The following WDR62 variants were observed in gnomAD, a reference collection of about 807,000 sequenced individuals.
WDR62 encodes WD repeat-containing protein 62.
WDR62 carries 112 observed loss-of-function variants against 160.6 expected under a neutral mutation model. That is an observed-to-expected ratio of 0.70 (90% confidence interval 0.60 to 0.82). The LOEUF (loss-of-function observed/expected upper bound fraction) is 0.82, where lower values mean the gene tolerates loss of function less well. Ranked by LOEUF, WDR62 falls within the 40% of genes least tolerant of loss-of-function variation. The probability of loss-of-function intolerance (pLI) is 0.00; values close to 1 mark genes in which losing one functional copy is unlikely to be tolerated. For missense variants in WDR62, 1,819 were observed against 1,983.8 expected, an observed-to-expected ratio of 0.92 and a Z score of 1.58; for synonymous variants, 792 against 815.1, an observed-to-expected ratio of 0.97 and a Z score of 0.48.
the WDR62 span, among the ~76,000 whole-genome samples, chr19:36,110,843 G>A: frequency 5.9e-5 from 9 of 152,136 alleles, no homozygotes; most frequent in Admixed American, 3.9e-4. Context: ...TGATTTGCCT[G>A]GCAAACAGAC....
chr19:36,066,437 G>T lies in WDR62; in HGVS notation c.561+10G>T. Reference sequence around the variant, plus strand: ...CGTCTGGGACTGGAAGGTAAGAGCCGACCAGCAGGCCTGTGGCAGGCAGCC... The same window carrying T: ...CGTCTGGGACTGGAAGGTAAGAGCCTACCAGCAGGCCTGTGGCAGGCAGCC... On this transcript the variant is annotated intron_variant, in intron 5 of 31. Coordinates refer to ENST00000401500, the MANE Select transcript of WDR62 (RefSeq NM_001083961.2). The T allele has an allele frequency of 6.3e-7, 1 of 1,584,148 alleles. No individual in the cohort carries two copies. Among genetic ancestry groups the T allele is most frequent in the South Asian group, 1.1e-5 (1 of 87,456 alleles).
intron 23 of WDR62, 47 bp from the exon 24 acceptor site, chr19:36,101,167 C>A: frequency 1.3e-6 from 2 of 1,547,226 alleles, no homozygotes; most frequent in South Asian, 1.2e-5. Context: ...GCTGTTGAGT[C>A]TCCAGCTGAA....
rs1430789703 is a variant in WDR62 at position 36,081,446 on chromosome 19, T to G, written c.1247T>G (p.Phe416Cys). The change falls in exon 10 of 32, where the codon TTT becomes TGT. Residue 416 changes from phenylalanine to cysteine, a missense_variant. Physicochemically the swap from Phe to Cys is radical, Grantham distance 205. Transcript: ENST00000401500. ...TGGGAACTGTAGGTGTATCCTGAGTTTGAAGACCAGAGAGCTTGTTTGCCA... is the reference window on the plus strand; with the variant it reads ...TGGGAACTGTAGGTGTATCCTGAGTGTGAAGACCAGAGAGCTTGTTTGCCA... ...YVWNVEVYPE[F>C]EDQRACLPSG... The G allele has an allele frequency of 6.2e-7, 1 of 1,614,174 alleles. No individual in the cohort carries two copies. Among genetic ancestry groups the G allele is most frequent in the East Asian group, 2.2e-5 (1 of 44,882 alleles).
At chr19:36,084,226 G>A (rs1448646357) in intron 11 of WDR62, among the ~76,000 whole-genome samples, 1 of 152,158 alleles carries the variant, frequency 6.6e-6, no homozygotes, top group Non-Finnish European at 1.5e-5. Flanking sequence ...GGAGAATCAG[G>A]AAGGTCTAGA....
At chr19:36,109,738 A>C (rs539194039), downstream of WDR62, among the ~76,000 whole-genome samples, 24 of 149,194 alleles carry the variant, frequency 1.6e-4, no homozygotes, top group South Asian at 4.9e-3. Context: ...TGTCTCAAAA[A>C]ACAAAACAAA....
chr19:36,076,658 G>A (rs1233863025), intron 9 of WDR62, among the ~76,000 whole-genome samples: 2 of 151,644 alleles, frequency 1.3e-5, no homozygotes, highest in Non-Finnish European at 2.9e-5. Flanking sequence ...GATGCTCATC[G>A]CTATTGGGTC....
At chr19:36,072,266 G>T (rs1971340516) in intron 8 of WDR62, among the ~76,000 whole-genome samples, 2 of 152,232 alleles carry the variant, frequency 1.3e-5, no homozygotes, top group Non-Finnish European at 2.9e-5. Flanking sequence ...AGAAGGAGCT[G>T]CTGTGTGGAG....
intron 9 of WDR62, among the ~76,000 whole-genome samples, chr19:36,074,570 A>G (rs1046622366): frequency 6.6e-6 from 1 of 152,284 alleles, no homozygotes; most frequent in Admixed American, 6.5e-5. Context: ...AGGGGGGCTG[A>G]AAATTTCTTA....
chr19:36,090,377 A>G, intron 15 of WDR62, 68 bp from the exon 16 acceptor site: 1 of 1,500,004 alleles, frequency 6.7e-7, no homozygotes, highest in South Asian at 1.1e-5. Context: ...GAGGACAGCA[A>G]GAGCCAGAGA....
chr19:36,102,980 A>C lies in WDR62; in HGVS notation c.3368A>C (p.Gln1123Pro), dbSNP rs144233940. ...FTHTFPPRAT[Q>P]CLVKSPEVKL... ...CATACCTTCCCTCCCCGGGCAACCC[A>C]GTGCCTTGTGAAGTCTCCAGAGGTC... The change falls in exon 28 of 32, where the codon CAG becomes CCG. Residue 1123 changes from glutamine (Q) to proline (P), a missense_variant. By Grantham distance (76) the Gln-to-Pro change is moderately conservative. This residue lies in a region of WDR62 where 770 missense variants were observed against 734.2 expected (regional missense o/e 1.05). Coordinates refer to ENST00000401500, the MANE Select transcript of WDR62 (RefSeq NM_001083961.2). The C allele has an allele frequency of 5.0e-5, 81 of 1,613,952 alleles. 1 individual carries two copies. Among genetic ancestry groups the C allele is most frequent in the Middle Eastern group, 4.9e-4 (3 of 6,084 alleles).
At chr19:36,104,270 A>T (rs377555100) in intron 30 of WDR62, among the ~76,000 whole-genome samples, 4 of 152,112 alleles carry the variant, frequency 2.6e-5, no homozygotes, top group Admixed American at 2.6e-4. Context: ...CATGCTTAGG[A>T]GGGACAGAGG....
chr19:36,097,900 AAAAG>A (rs139972036), intron 21 of WDR62, among the ~76,000 whole-genome samples: 11,853 of 151,522 alleles, frequency 0.078, 699 homozygotes, highest in Admixed American at 0.19. Flanking sequence ...ATAAAAATAA[AAAAG>A]AAAATAAGGA....
chr19:36,104,557 G>A lies in WDR62; in HGVS notation c.4193G>A (p.Ser1398Asn). Reference protein sequence around the residue: ...GLLQGSPARWSEPWVPVEALP... With the variant: ...GLLQGSPARWNEPWVPVEALP... ...TTACAGGGCAGCCCTGCCCGCTGGA[G>A]TGAGCCCTGGGTGCCGGTTGAAGCC... The change falls in exon 31 of 32, where the codon AGT (serine) becomes AAT (asparagine). Residue 1398 changes from serine (S) to asparagine (N), a missense_variant. Physicochemically the swap from Ser to Asn is conservative, Grantham distance 46. This residue lies in a region of WDR62 where 770 missense variants were observed against 734.2 expected (regional missense o/e 1.05). Coordinates refer to ENST00000401500, the MANE Select transcript of WDR62 (RefSeq NM_001083961.2). 3 of 1,613,664 alleles carry A rather than the reference G, an allele frequency of 1.9e-6. No homozygotes were observed. The highest frequency in any genetic ancestry group is 2.5e-6 in the Non-Finnish European group (3 of 1,179,822).
Position 36,102,757 on chromosome 19 carries a change from G to A in WDR62, c.3241G>A (p.Gly1081Arg), listed in dbSNP as rs1353371473. The A allele has an allele frequency of 4.3e-6, 7 of 1,614,060 alleles. No individual in the cohort carries two copies. The highest frequency in any genetic ancestry group is 5.1e-6 in the Non-Finnish European group (6 of 1,180,024). ...PCRELFPAALGDVEASEAEDH... is the reference protein window; with the variant it reads ...PCRELFPAALRDVEASEAEDH... ...CCTAGAGCTCTTCCCCGCAGCTCTG[G>A]GAGACGTGGAGGCCTCTGAAGCTGA... The change falls in exon 27 of 32, where the codon GGA becomes AGA. Residue 1081 changes from glycine to arginine, a missense_variant. Gly to Arg is a moderately radical substitution (Grantham distance 125, BLOSUM62 -2). This residue lies in a region of WDR62 where 770 missense variants were observed against 734.2 expected (regional missense o/e 1.05). Coordinates refer to ENST00000401500, the MANE Select transcript of WDR62 (RefSeq NM_001083961.2).
chr19:36,110,258 G>A, the WDR62 span, among the ~76,000 whole-genome samples: 17 of 152,092 alleles, frequency 1.1e-4, no homozygotes, highest in South Asian at 3.1e-3. Flanking sequence ...ATCACTTGAC[G>A]TCAGGAGTTC....
chr19:36,060,124 G>A, intron 3 of WDR62, 94 bp downstream of exon 3: 1 of 1,280,286 alleles, frequency 7.8e-7, no homozygotes, highest in Non-Finnish European at 1.1e-6. Flanking sequence ...ATGGGTAGGT[G>A]CTCACTCATT....
At chr19:36,106,325 C>T (rs531212661), downstream of WDR62, among the ~76,000 whole-genome samples, 7 of 144,290 alleles carry the variant, frequency 4.9e-5, no homozygotes, top group East Asian at 1.2e-3. Context: ...GAGATCACAC[C>T]ATCATTGTAC....
Position 36,103,045 on chromosome 19 carries a change from A to G in WDR62, c.3433A>G (p.Thr1145Ala). The change falls in exon 28 of 32, where the codon ACT becomes GCT. Residue 1145 changes from threonine (T) to alanine (A), a missense_variant. Coordinates refer to ENST00000401500, the MANE Select transcript of WDR62 (RefSeq NM_001083961.2). ...DRGGSQPRAG[T>A]GYASPDRTHV... ...AGGCGGAAGCCAGCCCAGAGCAGGT[A>G]CTGGCTACGCCTCCCCAGACAGGAC... The G allele has an allele frequency of 6.2e-7, 1 of 1,614,140 alleles. No homozygotes were observed. Among genetic ancestry groups the G allele is most frequent in the Non-Finnish European group, 8.5e-7 (1 of 1,180,034 alleles).
At chr19:36,105,630 T>G (rs1973695543), downstream of WDR62, among the ~76,000 whole-genome samples, 1 of 152,064 alleles carries the variant, frequency 6.6e-6, no homozygotes, top group Non-Finnish European at 1.5e-5. Flanking sequence ...GAGGATCGCT[T>G]GAGGCCAGGA....
Sources: gnomAD v4.1 joint callset for allele counts (sites outside exome capture counted in the v4.1 genomes callset) on GRCh38, gnomAD v4.1.1 for gene constraint, gnomAD v4.1.1 regional missense constraint, MANE v1.5 for transcripts, NCBI Gene and HGNC (gene_info 2026-07-23, HGNC 2026-07-21) for gene names.